DCDC1: variants seen among roughly 807,000 people sequenced by gnomAD.
DCDC1 encodes doublecortin domain containing 1, also known as doublecortin domain-containing protein 1.
In DCDC1, 200 loss-of-function variants were observed where a neutral mutation model predicts 178.3. The observed-to-expected ratio is 1.12, with a 90% CI of 1.00 to 1.26. DCDC1 has a LOEUF of 1.26. Among genes scored for constraint, DCDC1 ranks in the 50% most tolerant of loss-of-function variants. The probability of loss-of-function intolerance (pLI) is 0.00; values close to 1 mark genes in which losing one functional copy is unlikely to be tolerated. For synonymous variants in DCDC1, 690 were observed against 604.8 expected (o/e 1.14, Z -2.07); for missense variants, 1,983 against 1,749.2 (o/e 1.13, Z -2.38).
rs535262749 is a variant in DCDC1, at chr11:31,310,151, GTTTA to G, written c.165-2247_165-2244del. Among the ~76,000 whole-genome samples, 6 of 152,034 alleles carry G rather than the reference GTTTA, an allele frequency of 3.9e-5. No individual in the cohort carries two copies. In the South Asian group the frequency reaches 1.0e-3, roughly 26 times the overall value. On this transcript the variant is annotated intron_variant, in intron 3 of 38. Coordinates refer to ENST00000684477, the MANE Select transcript of DCDC1 (RefSeq NM_001387274.1). ...AAATATATGGTTCAACTATATATTT[GTTTA>G]TTTATTACTTGGTTTTCTCTAGTAA...
intron 37 of DCDC1, 52 bp downstream of exon 37, chr11:30,881,106 T>C: frequency 6.3e-7 from 1 of 1,596,164 alleles, no homozygotes. Flanking sequence ...AAGAGAAGAT[T>C]GAATGCTTTA....
chr11:31,264,158 T>C (rs570004685), intron 8 of DCDC1, among the ~76,000 whole-genome samples: 41 of 152,288 alleles, frequency 2.7e-4, no homozygotes, highest in South Asian at 1.0e-3. Context: ...TCCCAGGAAC[T>C]GTGCTTACTA....
intron 20 of DCDC1, among the ~76,000 whole-genome samples, chr11:31,017,862 G>A (rs1590773835): frequency 1.3e-5 from 2 of 152,156 alleles, no homozygotes; most frequent in Admixed American, 1.3e-4. Flanking sequence ...AAAACTGCTG[G>A]GTTTATAGGT....
chr11:30,917,830 T>A (rs1210629077), intron 25 of DCDC1, among the ~76,000 whole-genome samples: 2 of 152,218 alleles, frequency 1.3e-5, no homozygotes. Flanking sequence ...GACAGACTGA[T>A]CACCAAGGTG....
chr11:31,271,934 G>T (rs1320234303), intron 7 of DCDC1, among the ~76,000 whole-genome samples: 1 of 152,068 alleles, frequency 6.6e-6, no homozygotes, highest in African/African-American at 2.4e-5. Context: ...AGGCCAAGGA[G>T]GGCAGATCAC....
intron 9 of DCDC1, among the ~76,000 whole-genome samples, chr11:31,168,198 C>T (rs1966855866): frequency 6.6e-6 from 1 of 152,154 alleles, no homozygotes; most frequent in Admixed American, 6.6e-5. Flanking sequence ...TCTTTAAACT[C>T]CTTTGATTGT....
At chr11:31,285,333 C>G (rs975411087) in intron 7 of DCDC1, among the ~76,000 whole-genome samples, 1 of 152,084 alleles carries the variant, frequency 6.6e-6, no homozygotes, top group Non-Finnish European at 1.5e-5. Flanking sequence ...GACTTTTCTT[C>G]ATATTTCATA....
At chr11:31,335,326 G>A (rs1297942115) in intron 2 of DCDC1, 121 bp downstream of exon 2, 2 of 152,242 alleles carry the variant, frequency 1.3e-5, no homozygotes, top group Non-Finnish European at 2.9e-5. Flanking sequence ...CCTTGGCTAG[G>A]AAGGGGAAAT....
chr11:31,253,356 ATTTTTTT>A (rs1357132704), intron 8 of DCDC1, among the ~76,000 whole-genome samples: 1 of 134,698 alleles, frequency 7.4e-6, no homozygotes, highest in Non-Finnish European at 1.6e-5. Flanking sequence ...AGTTTTGGAG[ATTTTTTT>A]TTTTTTTTTT....
chr11:31,042,001 G>T (rs1429781865), intron 20 of DCDC1, among the ~76,000 whole-genome samples: 1 of 152,184 alleles, frequency 6.6e-6, no homozygotes, highest in Admixed American at 6.5e-5. Flanking sequence ...ACAAACACAA[G>T]CTGCATTCCA....
chr11:31,341,844 C>CACACA (rs3220039), intron 1 of DCDC1, among the ~76,000 whole-genome samples: 3 of 151,492 alleles, frequency 2.0e-5, no homozygotes, highest in Admixed American at 6.6e-5. Context: ...CACACACACA[C>CACACA]ATTTTTTTTG....
intron 35 of DCDC1, among the ~76,000 whole-genome samples, chr11:30,893,351 G>GT: frequency 6.6e-6 from 1 of 152,290 alleles, no homozygotes; most frequent in African/African-American, 2.4e-5. Flanking sequence ...TAACAAATGA[G>GT]TTTTTTATTA....
intron 28 of DCDC1, among the ~76,000 whole-genome samples, chr11:30,910,926 C>A (rs1945403106): frequency 6.6e-6 from 1 of 152,216 alleles, no homozygotes; most frequent in Non-Finnish European, 1.5e-5. Context: ...TTCTCTCCAG[C>A]TGCCAAGGCC....
At chr11:31,050,690 C>A (rs1490966227) in intron 20 of DCDC1, among the ~76,000 whole-genome samples, 1 of 152,202 alleles carries the variant, frequency 6.6e-6, no homozygotes, top group Non-Finnish European at 1.5e-5. Context: ...TCTGTGCAGA[C>A]AACCCCTAGT....
rs1411100287 is a variant in DCDC1 at position 31,307,682 on chromosome 11, A to C, written c.391T>G (p.Ser131Ala). The change falls in exon 4 of 39, where the codon TCC becomes GCC. Residue 131 changes from serine (S) to alanine (A), a missense_variant. Transcript: ENST00000684477. ...SKNNSCSISA[S>A]KRNRPVSAPV... The stretch of plus-strand genomic sequence containing the variant: ...GCACTGACAGGTCTGTTTCTCTTGG[A>C]TGCTGATATAGAACAAGAATTGTTT... The C allele has an allele frequency of 6.2e-7, 1 of 1,613,940 alleles. No homozygotes were observed. The highest frequency in any genetic ancestry group is 2.2e-5 in the East Asian group (1 of 44,890).
At chr11:31,270,466 A>G (rs2137159251) in intron 7 of DCDC1, among the ~76,000 whole-genome samples, 1 of 152,278 alleles carries the variant, frequency 6.6e-6, no homozygotes, top group East Asian at 1.9e-4. Context: ...ATGAAGCTCT[A>G]TATTTTTCTG....
At chr11:31,365,199 T>C (rs1393723981) in intron 1 of DCDC1, among the ~76,000 whole-genome samples, 1 of 152,172 alleles carries the variant, frequency 6.6e-6, no homozygotes, top group African/African-American at 2.4e-5. Context: ...CAACAAATAT[T>C]TGTCGATTGA....
At chr11:31,246,639 G>A (rs1159743252) in intron 8 of DCDC1, among the ~76,000 whole-genome samples, 6 of 152,002 alleles carry the variant, frequency 3.9e-5, no homozygotes, top group Non-Finnish European at 8.8e-5. Flanking sequence ...CCAGCTTTAC[G>A]AAATAGTTGG....
At chr11:31,327,810 C>T (rs912720734) in intron 3 of DCDC1, among the ~76,000 whole-genome samples, 2 of 152,198 alleles carry the variant, frequency 1.3e-5, no homozygotes, top group East Asian at 3.9e-4. Flanking sequence ...TCACTGCAAC[C>T]TCCACCTCCT....
Sources: gnomAD v4.1 joint callset for allele counts (sites outside exome capture counted in the v4.1 genomes callset) on GRCh38, gnomAD v4.1.1 for gene constraint, MANE v1.5 for transcripts, NCBI Gene and HGNC (gene_info 2026-07-23, HGNC 2026-07-21) for gene names.